Variants in EYA2 observed in about 807,000 individuals in gnomAD.
EYA2 encodes the protein protein phosphatase EYA2.
Under a neutral mutation model 69.2 loss-of-function variants are expected in EYA2, and 31 were observed. That is an observed-to-expected ratio of 0.45 (90% CI 0.34 to 0.60). The LOEUF is 0.60. Ranked by LOEUF, EYA2 falls within the 20% of genes least tolerant of loss-of-function variation. The pLI is 0.02. For synonymous variants in EYA2, 257 were observed against 279.4 expected, an observed-to-expected ratio of 0.92 and a Z score of 0.80; for missense variants, 622 against 701.2, an observed-to-expected ratio of 0.89 and a Z score of 1.28.
At chr20:47,053,140 C>T (rs2030426565) in intron 5 of EYA2, among the ~76,000 whole-genome samples, 1 of 152,004 alleles carries the variant, frequency 6.6e-6, no homozygotes, top group Admixed American at 6.5e-5. Context: ...CCCCCACCCC[C>T]ACTCCCACCT....
At chr20:47,156,125 CACATATATATATATATAT>C (rs2033936914) in intron 10 of EYA2, among the ~76,000 whole-genome samples, 13 of 22,122 alleles carry the variant, frequency 5.9e-4, no homozygotes, top group South Asian at 1.7e-3. Context: ...CACACACACA[CACATATATATATATATAT>C]ATATATATAT....
intron 1 of EYA2, among the ~76,000 whole-genome samples, chr20:46,898,350 A>C (rs1983916431): frequency 6.6e-6 from 1 of 150,858 alleles, no homozygotes; most frequent in Non-Finnish European, 1.5e-5. Context: ...TCTCTTTACA[A>C]AGAATTAATC....
At chr20:46,977,465 T>C (rs562768355) in intron 1 of EYA2, among the ~76,000 whole-genome samples, 9 of 152,214 alleles carry the variant, frequency 5.9e-5, no homozygotes, top group African/African-American at 2.2e-4. Flanking sequence ...GAGCAGGAAC[T>C]TGTCTGTCTG....
At chr20:46,926,130 TAAAG>T (rs1247056407) in intron 1 of EYA2, among the ~76,000 whole-genome samples, 1 of 152,188 alleles carries the variant, frequency 6.6e-6, no homozygotes, top group Admixed American at 6.5e-5. Context: ...TCTGTTTACA[TAAAG>T]AAAATTTGAA....
chr20:46,962,168 A>G (rs909427647), intron 1 of EYA2, among the ~76,000 whole-genome samples: 1 of 152,198 alleles, frequency 6.6e-6, no homozygotes, highest in Admixed American at 6.5e-5. Context: ...AGCTGGGACT[A>G]TAGGCACATG....
chr20:46,947,291 T>A (rs139005139), intron 1 of EYA2, among the ~76,000 whole-genome samples: 2,450 of 152,256 alleles, frequency 0.016, 36 homozygotes, highest in Middle Eastern at 0.024. Flanking sequence ...AATCTAAGTT[T>A]TTTTTTTTTT....
intron 5 of EYA2, among the ~76,000 whole-genome samples, chr20:47,028,618 G>GC (rs1984228915): frequency 6.6e-6 from 1 of 152,182 alleles, no homozygotes; most frequent in African/African-American, 2.4e-5. Context: ...TACAGTCCCT[G>GC]CCCCCCTGGA....
At chr20:47,004,680 C>T (rs1037673962) in intron 3 of EYA2, among the ~76,000 whole-genome samples, 5 of 152,216 alleles carry the variant, frequency 3.3e-5, no homozygotes, top group South Asian at 2.1e-4. Context: ...GCCAGGCCTG[C>T]GAGTGGCTTA....
chr20:47,066,896 A>C (rs751802714), intron 5 of EYA2, among the ~76,000 whole-genome samples: 3 of 152,106 alleles, frequency 2.0e-5, no homozygotes, highest in African/African-American at 4.8e-5. Flanking sequence ...AGTGTTTCAC[A>C]TTCCAGCACC....
chr20:46,931,704 G>T (rs965359362), intron 1 of EYA2, among the ~76,000 whole-genome samples: 3 of 152,102 alleles, frequency 2.0e-5, no homozygotes, highest in African/African-American at 7.2e-5. Flanking sequence ...CCATCTCTGG[G>T]GTGGCTGACT....
intron 10 of EYA2, among the ~76,000 whole-genome samples, chr20:47,150,741 A>G (rs1209962407): frequency 1.3e-5 from 2 of 152,044 alleles, no homozygotes; most frequent in African/African-American, 4.8e-5. Flanking sequence ...TGCTGGGATT[A>G]CAGGCATGAG....
intron 9 of EYA2, among the ~76,000 whole-genome samples, chr20:47,120,811 A>AT (rs2033024941): frequency 8.4e-6 from 1 of 118,732 alleles, no homozygotes; most frequent in Non-Finnish European, 2.0e-5. Flanking sequence ...CTAAAGATGA[A>AT]TATTTTTTAC....
chr20:47,043,335 T>C (rs964791560), intron 5 of EYA2, among the ~76,000 whole-genome samples: 15 of 152,116 alleles, frequency 9.9e-5, no homozygotes, highest in African/African-American at 3.6e-4. Context: ...AGGGAATGTT[T>C]TAAAAGGGAG....
chr20:47,046,910 A>G (rs2030068351), intron 5 of EYA2, among the ~76,000 whole-genome samples: 1 of 152,150 alleles, frequency 6.6e-6, no homozygotes, highest in Non-Finnish European at 1.5e-5. Context: ...GGGCAACCTT[A>G]GACATGTTAC....
At chr20:47,154,970 C>G (rs896446852) in intron 10 of EYA2, among the ~76,000 whole-genome samples, 1 of 151,426 alleles carries the variant, frequency 6.6e-6, no homozygotes. Context: ...CTCAGCCTCC[C>G]GAGTAGTTGG....
chr20:47,122,076 A>G (rs2146560024), intron 9 of EYA2, among the ~76,000 whole-genome samples: 1 of 151,666 alleles, frequency 6.6e-6, no homozygotes, highest in Middle Eastern at 3.4e-3. Flanking sequence ...CTTTTGAAAA[A>G]TCAGAAGATC....
At chr20:46,967,970 G>A (rs1316954896) in intron 1 of EYA2, among the ~76,000 whole-genome samples, 1 of 152,228 alleles carries the variant, frequency 6.6e-6, no homozygotes, top group East Asian at 1.9e-4. Context: ...AGGAGATGAA[G>A]GGTGGTTAGA....
At chr20:46,963,422 A>T (rs1477659768) in intron 1 of EYA2, among the ~76,000 whole-genome samples, 2 of 152,248 alleles carry the variant, frequency 1.3e-5, no homozygotes, top group Non-Finnish European at 2.9e-5. Context: ...AGCCCTGGGG[A>T]CACAGCAGCA....
At chr20:47,036,744 T>C (rs1315389858) in intron 5 of EYA2, among the ~76,000 whole-genome samples, 2 of 152,178 alleles carry the variant, frequency 1.3e-5, no homozygotes, top group Non-Finnish European at 2.9e-5. Flanking sequence ...GGTTCTACAG[T>C]TTTGCACACA....
Sources: gnomAD v4.1 joint callset for allele counts (sites outside exome capture counted in the v4.1 genomes callset) on GRCh38, gnomAD v4.1.1 for gene constraint, MANE v1.5 for transcripts, NCBI Gene and HGNC (gene_info 2026-07-23, HGNC 2026-07-21) for gene names.